Variants in MAST3 observed in about 807,000 individuals in gnomAD.
MAST3 encodes the protein microtubule-associated serine/threonine-protein kinase 3.
Under a neutral mutation model 127.0 loss-of-function variants are expected in MAST3, and 43 were observed. That is an observed-to-expected ratio of 0.34 (90% CI 0.27 to 0.44). The LOEUF is 0.44. Ranked by LOEUF, MAST3 falls within the 20% of genes least tolerant of loss-of-function variation. The probability of loss-of-function intolerance (pLI) is 1.00; values close to 1 mark genes in which losing one functional copy is unlikely to be tolerated. For missense variants in MAST3, 1,390 were observed against 1,919.1 expected (o/e 0.72, Z 5.15); for synonymous variants, 785 against 809.2 (o/e 0.97, Z 0.51).
chr19:18,134,471 T>G, intron 15 of MAST3, 108 bp from the exon 16 acceptor site: 1 of 1,406,746 alleles, frequency 7.1e-7, no homozygotes, highest in African/African-American at 1.4e-5. Context: ...GGCCCAGGAG[T>G]TGGAGGCAGA....
intron 15 of MAST3, among the ~76,000 whole-genome samples, chr19:18,133,115 G>T (rs2041502762): frequency 6.7e-6 from 1 of 149,250 alleles, no homozygotes. Flanking sequence ...AAAAAAAAGC[G>T]CCTCGCATGT....
chr19:18,107,172 C>T (rs1328746140), intron 1 of MAST3, among the ~76,000 whole-genome samples: 2 of 151,724 alleles, frequency 1.3e-5, no homozygotes, highest in Non-Finnish European at 2.9e-5. Flanking sequence ...CTATGTTGCC[C>T]AATCTGGCTT....
chr19:18,104,246 A>C (rs901568377), intron 1 of MAST3, among the ~76,000 whole-genome samples: 1 of 149,092 alleles, frequency 6.7e-6, no homozygotes, highest in South Asian at 2.1e-4. Flanking sequence ...AAGGGGAAGA[A>C]GGAGACCCTA....
At chr19:18,098,397 T>TA (rs1396480673) in intron 1 of MAST3, among the ~76,000 whole-genome samples, 1 of 152,136 alleles carries the variant, frequency 6.6e-6, no homozygotes, top group Non-Finnish European at 1.5e-5. Context: ...CCAGCTCTCT[T>TA]ACGGCACAAG....
At chr19:18,103,979 A>G (rs1479475408) in intron 1 of MAST3, among the ~76,000 whole-genome samples, 1 of 151,986 alleles carries the variant, frequency 6.6e-6, no homozygotes, top group East Asian at 1.9e-4. Flanking sequence ...TGGGAGGCCA[A>G]GGCAGGTGGA....
chr19:18,123,384 G>T lies in MAST3; in HGVS notation c.557+10G>T. 1 of 1,606,590 alleles carries T rather than the reference G, an allele frequency of 6.2e-7. No individual in the cohort carries two copies. The highest frequency in any genetic ancestry group is 1.1e-5 in the South Asian group (1 of 90,392). On this transcript the variant is annotated intron_variant, in intron 7 of 27. Coordinates refer to ENST00000687212, the MANE Select transcript of MAST3 (RefSeq NM_001393504.1). ...GCTCTCGCAGTCTCAGGTGGGCCGC[G>T]ACCTCTGGCCCCAGCCCCGGCCCCT...
rs1186023885 is a variant in MAST3, at chr19:18,124,327, G to T, written c.906G>T (p.Leu302=). The T allele has an allele frequency of 2.5e-6, 4 of 1,609,684 alleles. No individual in the cohort carries two copies. The highest frequency in any genetic ancestry group is 3.4e-6 in the Non-Finnish European group (4 of 1,177,952). ...TCGTCCAGCTTGTCCGGAAACTGCT[G>T]ATCATCATCTCACGGCCAGCTCGGC... ...SFIVQLVRKL[L]IIISRPARLL... is the part of the protein sequence containing the mutation. Residue 302 remains leucine (L), a synonymous_variant, in exon 10 of 28, where the codon CTG becomes CTT. Transcript: ENST00000687212.
At chr19:18,101,765 C>T (rs1599643780) in intron 1 of MAST3, among the ~76,000 whole-genome samples, 1 of 151,610 alleles carries the variant, frequency 6.6e-6, no homozygotes, top group African/African-American at 2.4e-5. Context: ...ATTCTCACAG[C>T]CTCAGCCTCC....
Position 18,110,396 on chromosome 19 carries a change from G to T in MAST3, c.72-256G>T. The T allele has an allele frequency of 1.0e-6, 1 of 985,554 alleles. No homozygotes were observed. Among genetic ancestry groups the T allele is most frequent in the Non-Finnish European group, 1.2e-6 (1 of 829,980 alleles). The allele number at this position is 985,554 out of a possible 1,614,324, so 61.1% of individuals were successfully genotyped here. ...GTGTTGGGCAGGGCGGGGGTATGCG[G>T]GGTGCAGGGAGGACAGGATGACAAC... On this transcript the variant is annotated intron_variant, in intron 2 of 27. Coordinates refer to ENST00000687212, the MANE Select transcript of MAST3 (RefSeq NM_001393504.1). The surrounding 1 kb of genome is among the most constrained non-coding windows in gnomAD (Gnocchi z 4.3).
At chr19:18,113,936 C>T (rs775260539) in intron 3 of MAST3, among the ~76,000 whole-genome samples, 7 of 152,350 alleles carry the variant, frequency 4.6e-5, no homozygotes, top group African/African-American at 1.4e-4. Context: ...ATCTCCCCGT[C>T]GCTCACTTGG....
At chr19:18,124,186 T>C (rs775230335) in intron 9 of MAST3, 38 bp downstream of exon 9, 2 of 1,594,472 alleles carry the variant, frequency 1.3e-6, no homozygotes, top group South Asian at 1.1e-5. Flanking sequence ...TTGCATGCAG[T>C]GGGACGTGGA....
At chr19:18,117,778 G>T (rs2039444479) in intron 3 of MAST3, among the ~76,000 whole-genome samples, 1 of 152,130 alleles carries the variant, frequency 6.6e-6, no homozygotes, top group South Asian at 2.1e-4. Context: ...TCGAGGTTAA[G>T]GTGCTGCCAA....
chr19:18,117,246 T>C (rs2039375113), intron 3 of MAST3, among the ~76,000 whole-genome samples: 1 of 152,192 alleles, frequency 6.6e-6, no homozygotes, highest in Admixed American at 6.5e-5. Flanking sequence ...AGATAAATTA[T>C]ATATAGATAT....
At chr19:18,134,771 C>T in intron 16 of MAST3, 46 bp from the exon 17 acceptor site, 1 of 1,613,566 alleles carries the variant, frequency 6.2e-7, no homozygotes, top group Non-Finnish European at 8.5e-7. Flanking sequence ...TGGGACCTCT[C>T]TTGGGCTGGG....
rs1357060344 is a variant in MAST3, at chr19:18,144,201, T to G, written c.2584+194T>G. Among the ~76,000 whole-genome samples the G allele has an allele frequency of 6.6e-6, 1 of 152,006 alleles. No homozygotes were observed. The highest frequency in any genetic ancestry group is 6.6e-5 in the Admixed American group (1 of 15,256). The stretch of plus-strand genomic sequence containing the variant: ...TCTAGGGTAAATGCCCCCAGCTTCA[T>G]AGAGTCAGGATGGGACCCCTAGCTC... On this transcript the variant is annotated intron_variant, in intron 22 of 27. Transcript: ENST00000687212. The surrounding 1 kb of genome is among the most constrained non-coding windows in gnomAD (Gnocchi z 4.0).
rs552840871 is a variant in MAST3 at position 18,134,699 on chromosome 19, C to T, written c.1692C>T (p.Phe564=). 3.1e-6 allele frequency: 5 copies of T among 1,613,732 alleles called. No individual in the cohort carries two copies. In the Admixed American group the frequency reaches 5.0e-5, roughly 16 times the overall value. Residue 564 remains phenylalanine (F), a synonymous_variant, in exon 16 of 28, where the codon TTC becomes TTT. Coordinates refer to ENST00000687212, the MANE Select transcript of MAST3 (RefSeq NM_001393504.1). ...EGHIEKDARE[F]IDKQVCGTPE... ...ACATCGAGAAGGACGCCCGAGAGTT[C>T]ATCGACAAGCAGGTGGGCGGGCAGG...
At chr19:18,100,452 T>C (rs1227016201) in intron 1 of MAST3, among the ~76,000 whole-genome samples, 1 of 151,932 alleles carries the variant, frequency 6.6e-6, no homozygotes, top group Non-Finnish European at 1.5e-5. Flanking sequence ...GCCCAGGAGT[T>C]TGAGGCTATA....
At position 18,110,100 on chromosome 19, in the gene MAST3, G is replaced by C. The variant is rs1199951431; in HGVS notation, c.72-552G>C. ...GCTGCGCGACCCTCGCTGCCGGGCC[G>C]GGCCTGCGCGCAGGTGCGGAGCTGC... On this transcript the variant is annotated intron_variant, in intron 2 of 27. Coordinates refer to ENST00000687212, the MANE Select transcript of MAST3 (RefSeq NM_001393504.1). This position sits in a 1 kb window ranked among gnomAD's most constrained non-coding sequence, Gnocchi z 4.3. The C allele has an allele frequency of 2.0e-6, 2 of 985,190 alleles. No individual in the cohort carries two copies. Among genetic ancestry groups the C allele is most frequent in the African/African-American group, 3.5e-5 (2 of 57,216 alleles). 61.0% of individuals were successfully genotyped at this position (985,190 alleles called of 1,614,324 possible).
At position 18,134,831 on chromosome 19, in the gene MAST3, G is replaced by A. The variant is rs771450346; in HGVS notation, c.1719G>A (p.Pro573=). ...CCCTGGCCCAGGTGTGTGGGACGCC[G>A]GAGTACATAGCCCCCGAGGTGATCT... The part of the protein sequence containing the change: ...EFIDKQVCGT[P]EYIAPEVIFR... Residue 573 remains proline, a synonymous_variant, in exon 17 of 28, where the codon CCG becomes CCA. Transcript: ENST00000687212. The A allele has an allele frequency of 9.9e-6, 16 of 1,613,898 alleles. No homozygotes were observed. The highest frequency in any genetic ancestry group is 6.7e-5 in the African/African-American group (5 of 74,928).
Sources: gnomAD v4.1 joint callset for allele counts (sites outside exome capture counted in the v4.1 genomes callset) on GRCh38, gnomAD v4.1.1 for gene constraint, Gnocchi (gnomAD v3.1) non-coding constraint, MANE v1.5 for transcripts, NCBI Gene and HGNC (gene_info 2026-07-23, HGNC 2026-07-21) for gene names.